The following CCDC66 variants were observed in gnomAD, a reference collection of about 807,000 sequenced individuals.
The protein encoded by CCDC66 is coiled-coil domain containing 66, also known as coiled-coil domain-containing protein 66.
In CCDC66, 133 loss-of-function variants were observed where a neutral mutation model predicts 128.3. The observed-to-expected ratio is 1.04, with a 90% CI of 0.90 to 1.20. CCDC66 has a LOEUF of 1.20. CCDC66 is among the 50% of genes most tolerant of loss of function. The pLI, the probability that CCDC66 is intolerant of heterozygous loss-of-function variation, is 0.00. For missense variants in CCDC66, 1,126 were observed against 1,075.5 expected (o/e 1.05, Z -0.66); for synonymous variants, 387 against 357.0 (o/e 1.08, Z -0.95).
chr3:56,558,666 A>G (rs1337366067), intron 1 of CCDC66, 180 bp from the exon 2 acceptor site: 2 of 622,518 alleles, frequency 3.2e-6, no homozygotes, highest in Admixed American at 2.7e-5. Flanking sequence ...TTCCCCCTGT[A>G]GTTGTGGGTT....
chr3:56,605,789 C>G lies in CCDC66; in HGVS notation c.1405-7800C>G, dbSNP rs186174269. ...GGAGGCAGTCTGACCCTTAGTAGAG[C>G]TCGAATGCTGTGCTGGGCGATCCAC... On this transcript the variant is annotated intron_variant, in intron 10 of 17. Transcript: ENST00000394672. 5.3e-4 allele frequency among the ~76,000 whole-genome samples: 80 copies of G among 152,184 alleles called. 1 individual carries two copies. In the South Asian group the frequency reaches 0.012, roughly 23 times the overall value.
chr3:56,575,800 A>G (rs1289137371), intron 7 of CCDC66, among the ~76,000 whole-genome samples: 1 of 151,814 alleles, frequency 6.6e-6, no homozygotes. Flanking sequence ...GCATGTGGAC[A>G]TCTAGTTTTT....
rs199847659 is a variant in CCDC66, at chr3:56,617,425, C to T, written c.2157C>T (p.Tyr719=). 42 of 1,613,820 alleles carry T rather than the reference C, an allele frequency of 2.6e-5. No homozygotes were observed. The highest frequency in any genetic ancestry group is 3.2e-5 in the Non-Finnish European group (38 of 1,179,954). The change falls in exon 14 of 18, where the codon TAC becomes TAT. Residue 719 remains tyrosine (Y), a synonymous_variant. Coordinates refer to ENST00000394672, the MANE Select transcript of CCDC66 (RefSeq NM_001141947.3). ...GGTATATTCCAGCATCAGAAAAGTACCCTAAACAGCTTCAAAAGCAGAGAG... is the reference window on the plus strand; with the variant it reads ...GGTATATTCCAGCATCAGAAAAGTATCCTAAACAGCTTCAAAAGCAGAGAG... ...PKRYIPASEK[Y]PKQLQKQREE... is the part of the protein sequence containing the mutation.
chr3:56,562,814 ATT>A (rs573450400), intron 3 of CCDC66, among the ~76,000 whole-genome samples: 1 of 138,050 alleles, frequency 7.2e-6, no homozygotes. Context: ...AATTTTTTGT[ATT>A]TTTTTTTTTT....
Position 56,621,715 on chromosome 3 carries a change from CTTAT to C in CCDC66, c.*100_*103del, listed in dbSNP as rs2076660837. On this transcript the variant is annotated 3_prime_UTR_variant, in exon 18 of 18. Transcript: ENST00000394672. ...GTATTTTTCAAATAGCCTAGATTTA[CTTAT>C]TTTTTTAAATGCTCATTAAAAACTT... The C allele has an allele frequency of 2.8e-6, 2 of 724,914 alleles. No individual in the cohort carries two copies. The highest frequency in any genetic ancestry group is 4.3e-6 in the Non-Finnish European group (2 of 462,754). 44.9% of individuals were successfully genotyped at this position (724,914 alleles called of 1,614,324 possible).
intron 4 of CCDC66, among the ~76,000 whole-genome samples, chr3:56,565,807 C>CA (rs1254204049): frequency 6.6e-6 from 1 of 151,356 alleles, no homozygotes; most frequent in African/African-American, 2.4e-5. Context: ...CCTGGGACTA[C>CA]AGGCGCCCGC....
intron 3 of CCDC66, among the ~76,000 whole-genome samples, chr3:56,562,701 C>T (rs2065253540): frequency 3.3e-5 from 5 of 152,010 alleles, no homozygotes; most frequent in Admixed American, 2.0e-4. Context: ...TGCAGTGGCA[C>T]GATCTCGGTT....
chr3:56,561,060 C>T (rs952801851), intron 3 of CCDC66: 2 of 422,484 alleles, frequency 4.7e-6, no homozygotes, highest in Non-Finnish European at 9.3e-6. Flanking sequence ...AAAATTGTTT[C>T]TCTTTCTCTA....
At chr3:56,571,078 G>T in intron 6 of CCDC66, 103 bp from the exon 7 acceptor site, 2 of 758,086 alleles carry the variant, frequency 2.6e-6, no homozygotes, top group Non-Finnish European at 4.0e-6. Context: ...AAAGAGTTTT[G>T]ATTAGATCTG....
chr3:56,582,346 G>A lies in CCDC66; in HGVS notation c.937-10624G>A, dbSNP rs149391264. Among the ~76,000 whole-genome samples, 1,416 of 151,766 alleles carry A rather than the reference G, an allele frequency of 9.3e-3. 33 individuals carry two copies. Among genetic ancestry groups the A allele is most frequent in the African/African-American group, 0.031 (1,303 of 41,478 alleles). ...CCTTTGCTAGGAAAGGGAATTCCCC[G>A]ACCCCTTGCACTTCCAGGGTGAGGC... On this transcript the variant is annotated intron_variant, in intron 7 of 17. Transcript: ENST00000394672.
intron 7 of CCDC66, among the ~76,000 whole-genome samples, chr3:56,588,576 G>A (rs1455596832): frequency 6.6e-6 from 1 of 152,188 alleles, no homozygotes; most frequent in East Asian, 1.9e-4. Flanking sequence ...CGCAATGATA[G>A]CACCAAGTGG....
chr3:56,617,597 G>T lies in CCDC66; in HGVS notation c.2329G>T (p.Val777Phe). The change falls in exon 14 of 18, where the codon GTC (valine) becomes TTC (phenylalanine). Residue 777 changes from valine (V) to phenylalanine (F), a missense_variant. Physicochemically the swap from Val to Phe is conservative, Grantham distance 50. Coordinates refer to ENST00000394672, the MANE Select transcript of CCDC66 (RefSeq NM_001141947.3). Reference protein sequence around the residue: ...ETESKLRWHLVKKEEEPLNIH... With the variant: ...ETESKLRWHLFKKEEEPLNIH... ...GGAGTCAAAGTTGAGGTGGCATCTAGTCAAAAAGGTAAAGCTCTTCCATCT... is the reference window on the plus strand; with the variant it reads ...GGAGTCAAAGTTGAGGTGGCATCTATTCAAAAAGGTAAAGCTCTTCCATCT... The T allele has an allele frequency of 6.3e-7, 1 of 1,595,728 alleles. No homozygotes were observed. The highest frequency in any genetic ancestry group is 1.1e-5 in the South Asian group (1 of 87,458).
At chr3:56,561,897 C>G (rs1245820641) in intron 3 of CCDC66, among the ~76,000 whole-genome samples, 1 of 151,914 alleles carries the variant, frequency 6.6e-6, no homozygotes, top group Admixed American at 6.6e-5. Flanking sequence ...TTTTTTTTCC[C>G]CCATTTCCCA....
At position 56,605,100 on chromosome 3, in the gene CCDC66, G is replaced by C. The variant is rs143168326; in HGVS notation, c.1405-8489G>C. 2.9e-3 allele frequency among the ~76,000 whole-genome samples: 440 copies of C among 152,088 alleles called. 13 individuals are homozygous for C. The highest frequency in any genetic ancestry group is 0.01 in the African/African-American group (426 of 41,386). ...TGTGTATGCTTCACAAGGTTCTTGTGCTGTGTTTTTCAGCTCCGTCAGGTC... is the reference window on the plus strand; with the variant it reads ...TGTGTATGCTTCACAAGGTTCTTGTCCTGTGTTTTTCAGCTCCGTCAGGTC... On this transcript the variant is annotated intron_variant, in intron 10 of 17. Coordinates refer to ENST00000394672, the MANE Select transcript of CCDC66 (RefSeq NM_001141947.3).
chr3:56,615,817 T>C (rs1011835540), intron 12 of CCDC66, 105 bp from the exon 13 acceptor site: 1 of 931,538 alleles, frequency 1.1e-6, no homozygotes, highest in Non-Finnish European at 1.5e-6. Context: ...TTTATTGCAG[T>C]GTTCATTCTG....
At chr3:56,618,881 C>A in intron 15 of CCDC66, 1 of 175,750 alleles carries the variant, frequency 5.7e-6, no homozygotes, top group South Asian at 1.4e-4. Context: ...AGAGTTCAGG[C>A]TTCTATGCAT....
chr3:56,565,697 C>T (rs993556398), intron 4 of CCDC66, among the ~76,000 whole-genome samples: 8 of 151,470 alleles, frequency 5.3e-5, no homozygotes, highest in South Asian at 4.2e-4. Context: ...GCTGGAGTCT[C>T]GCTGCATCGC....
rs376601565 is a variant in CCDC66, at chr3:56,616,054, G to T, written c.1843+1G>T. The T allele has an allele frequency of 6.7e-5, 105 of 1,578,240 alleles. No homozygotes were observed. Among genetic ancestry groups the T allele is most frequent in the Non-Finnish European group, 8.3e-5 (97 of 1,165,998 alleles). ...AAGAAGGATACTGGTGTGCAAACAG[G>T]TATTTGTGTGGAAATTGTGGTTTGG... On this transcript the variant is annotated splice_donor_variant, in intron 13 of 17. Transcript: ENST00000394672. LOFTEE classifies it high-confidence loss of function.
intron 7 of CCDC66, among the ~76,000 whole-genome samples, chr3:56,574,779 T>C (rs2067137834): frequency 6.6e-6 from 1 of 151,862 alleles, no homozygotes; most frequent in African/African-American, 2.4e-5. Flanking sequence ...ACTCCTGGGT[T>C]CAAGTGATTC....
Sources: allele counts gnomAD v4.1 joint callset (sites outside exome capture counted in the v4.1 genomes callset), GRCh38; gene constraint gnomAD v4.1.1; transcripts MANE v1.5; gene names NCBI Gene and HGNC (gene_info 2026-07-23, HGNC 2026-07-21).